The following JAK2 variants were observed in gnomAD, a reference collection of about 807,000 sequenced individuals.
JAK2 encodes the protein tyrosine-protein kinase JAK2.
Under a neutral mutation model 139.3 loss-of-function variants are expected in JAK2, and 86 were observed. The observed-to-expected ratio is 0.62, with a 90% confidence interval of 0.52 to 0.74. JAK2 has a LOEUF of 0.74. JAK2 is among the 30% of genes least tolerant of loss of function. The pLI, the probability that JAK2 is intolerant of heterozygous loss-of-function variation, is 0.00. For missense variants in JAK2, 1,421 were observed against 1,360.3 expected (o/e 1.04, Z -0.70); for synonymous variants, 490 against 437.7 (o/e 1.12, Z -1.49).
At chr9:5,043,500 GAAT>G (rs1816769162) in intron 4 of JAK2, among the ~76,000 whole-genome samples, 1 of 152,178 alleles carries the variant, frequency 6.6e-6, no homozygotes, top group African/African-American at 2.4e-5. Context: ...TTGCTGTTGG[GAAT>G]GTAAAGTGGT....
chr9:5,113,724 C>A lies in JAK2; in HGVS notation c.3060-9280C>A, dbSNP rs192778509. ...AGCGCTGGGACCTTCCCAGCCACCA[C>A]CCTCACGCCCTCTGGCCATTACGCC... On this transcript the variant is annotated intron_variant, in intron 22 of 24. Coordinates refer to ENST00000381652, the MANE Select transcript of JAK2 (RefSeq NM_004972.4). The A allele has an allele frequency of 3.1e-3, 521 of 166,062 alleles. 1 individual carries two copies. The highest frequency in any genetic ancestry group is 4.1e-3 in the Non-Finnish European group (296 of 72,110). 10.3% of individuals were successfully genotyped at this position (166,062 alleles called of 1,614,324 possible).
rs1370458384 is a variant in JAK2 at position 5,070,777 on chromosome 9, A to G, written c.1641+725A>G. On this transcript the variant is annotated intron_variant, in intron 12 of 24. Transcript: ENST00000381652. ...CCAAACCCATGCTGTTCAAGGGTCA[A>G]CTGTAGTACATAAGATCTGATAATC... Among the ~76,000 whole-genome samples the G allele has an allele frequency of 4.6e-5, 7 of 152,196 alleles. No homozygotes were observed. In the East Asian group the frequency reaches 5.8e-4, roughly 13 times the overall value.
At chr9:5,003,645 T>C (rs1821074086) in intron 2 of JAK2, among the ~76,000 whole-genome samples, 1 of 152,084 alleles carries the variant, frequency 6.6e-6, no homozygotes. Flanking sequence ...ACATGTCCTC[T>C]ATGAATACTG....
intron 22 of JAK2, among the ~76,000 whole-genome samples, chr9:5,119,737 T>C (rs1823471187): frequency 6.6e-6 from 1 of 152,132 alleles, no homozygotes; most frequent in African/African-American, 2.4e-5. Flanking sequence ...TAGAAGCAAC[T>C]TGTATGAAAA....
chr9:5,098,569 C>T (rs1413216712), intron 22 of JAK2: 1 of 152,146 alleles, frequency 6.6e-6, no homozygotes, highest in Non-Finnish European at 1.5e-5. Context: ...ATTTTAAGGC[C>T]TCTCATCCCT....
At chr9:5,089,242 T>C (rs1820368845) in intron 19 of JAK2, among the ~76,000 whole-genome samples, 1 of 152,122 alleles carries the variant, frequency 6.6e-6, no homozygotes, top group African/African-American at 2.4e-5. Context: ...TAATATAAGC[T>C]TAAAGATAGT....
chr9:5,123,726 T>C (rs946124834), intron 23 of JAK2, among the ~76,000 whole-genome samples: 3 of 151,884 alleles, frequency 2.0e-5, no homozygotes, highest in African/African-American at 7.2e-5. Flanking sequence ...GAAATCTTTA[T>C]AATGTTTTCC....
intron 8 of JAK2, among the ~76,000 whole-genome samples, chr9:5,056,333 T>G (rs1266745641): frequency 6.6e-6 from 1 of 152,088 alleles, no homozygotes; most frequent in African/African-American, 2.4e-5. Flanking sequence ...AGAAATGAAT[T>G]ATTTTATACT....
intron 12 of JAK2, 80 bp downstream of exon 12, chr9:5,070,132 A>T: frequency 1.0e-6 from 1 of 990,970 alleles, no homozygotes; most frequent in Non-Finnish European, 1.4e-6. Flanking sequence ...TTCATGTGAC[A>T]TTGGAATTAT....
intron 12 of JAK2, among the ~76,000 whole-genome samples, chr9:5,070,490 C>T (rs189230336): frequency 1.1e-3 from 168 of 152,212 alleles, no homozygotes; most frequent in African/African-American, 3.8e-3. Flanking sequence ...TAAGTGGAAC[C>T]TGTGGATATG....
At chr9:5,028,921 C>G (rs62541534) in intron 3 of JAK2, among the ~76,000 whole-genome samples, 35,933 of 152,142 alleles carry the variant, frequency 0.24, 4,706 homozygotes, top group South Asian at 0.31. Flanking sequence ...GTCACATCAT[C>G]AATAAGGCTG....
At chr9:5,028,363 A>C (rs1364337125) in intron 3 of JAK2, among the ~76,000 whole-genome samples, 1 of 152,204 alleles carries the variant, frequency 6.6e-6, no homozygotes, top group Non-Finnish European at 1.5e-5. Flanking sequence ...CACGCTATAT[A>C]CAGATGTGCT....
In JAK2 at chr9:5,129,268, T is replaced by G. The variant is rs1404273666; in HGVS notation, c.*2477T>G. ...TTAGCATGCTCCCCCTAAATTGAAA[T>G]AGTGATGTAGTAAATATTCAGAAGC... On this transcript the variant is annotated 3_prime_UTR_variant, in exon 25 of 25. Coordinates refer to ENST00000381652, the MANE Select transcript of JAK2 (RefSeq NM_004972.4). 6.6e-6 allele frequency among the ~76,000 whole-genome samples: 1 copy of G among 152,060 alleles called. No individual in the cohort carries two copies. The highest frequency in any genetic ancestry group is 2.4e-5 in the African/African-American group (1 of 41,434).
intron 2 of JAK2, among the ~76,000 whole-genome samples, chr9:4,993,202 G>A (rs554219337): frequency 1.8e-4 from 27 of 152,292 alleles, no homozygotes; most frequent in African/African-American, 5.5e-4. Context: ...CCTAAGCTCT[G>A]TGTGAGTCTG....
At chr9:5,025,356 A>G (rs1313930846) in intron 3 of JAK2, among the ~76,000 whole-genome samples, 1 of 152,182 alleles carries the variant, frequency 6.6e-6, no homozygotes, top group Non-Finnish European at 1.5e-5. Context: ...GTGATAGTAT[A>G]CTTAAGATGG....
chr9:4,989,075 A>T (rs1047486790), intron 2 of JAK2, among the ~76,000 whole-genome samples: 1 of 152,216 alleles, frequency 6.6e-6, no homozygotes, highest in Admixed American at 6.5e-5. Context: ...ACTCCTTATT[A>T]TAGCATTCCC....
intron 19 of JAK2, among the ~76,000 whole-genome samples, chr9:5,086,593 TA>T (rs762204543): frequency 2.0e-5 from 3 of 150,506 alleles, no homozygotes; most frequent in Admixed American, 6.6e-5. Context: ...TTCCAATACT[TA>T]AAAAAAAAAT....
intron 15 of JAK2, 83 bp from the exon 16 acceptor site, chr9:5,078,223 A>G: frequency 1.8e-6 from 2 of 1,141,930 alleles, no homozygotes; most frequent in Admixed American, 2.5e-5. Flanking sequence ...TCTTCTTTAA[A>G]TCTGTTTTGG....
intron 4 of JAK2, among the ~76,000 whole-genome samples, chr9:5,039,066 G>A (rs1423696923): frequency 6.6e-6 from 1 of 152,112 alleles, no homozygotes; most frequent in Non-Finnish European, 1.5e-5. Flanking sequence ...ATTAGTGAAA[G>A]ACTGAATGCC....
Sources: gnomAD v4.1 joint callset for allele counts (sites outside exome capture counted in the v4.1 genomes callset) on GRCh38, gnomAD v4.1.1 for gene constraint, MANE v1.5 for transcripts, NCBI Gene and HGNC (gene_info 2026-07-23, HGNC 2026-07-21) for gene names.